Variants in WDR41 observed in about 807,000 individuals in gnomAD.
The protein encoded by WDR41 is WD repeat domain 41.
In WDR41, 63 loss-of-function variants were observed where a neutral mutation model predicts 69.3. The observed-to-expected ratio is 0.91, with a 90% CI of 0.74 to 1.12. The LOEUF is 1.12. WDR41 is among the 50% of genes most tolerant of loss of function. WDR41 has a pLI of 0.00. For missense variants in WDR41, 543 were observed against 534.5 expected, an observed-to-expected ratio of 1.02 and a Z score of -0.16; for synonymous variants, 185 against 192.1, an observed-to-expected ratio of 0.96 and a Z score of 0.31.
intron 1 of WDR41, among the ~76,000 whole-genome samples, chr5:77,595,865 G>T (rs1350196182): frequency 6.6e-6 from 1 of 152,080 alleles, no homozygotes; most frequent in African/African-American, 2.4e-5. Context: ...TGGAACATCA[G>T]TTTAACTAGA....
At chr5:77,501,540 C>T (rs972631754) in intron 1 of WDR41, among the ~76,000 whole-genome samples, 11 of 152,228 alleles carry the variant, frequency 7.2e-5, no homozygotes, top group Admixed American at 1.3e-4. Context: ...CCCAGCACAG[C>T]GTTTGAGCTC....
chr5:77,609,581 C>T (rs1400485703), intron 1 of WDR41, among the ~76,000 whole-genome samples: 1 of 152,226 alleles, frequency 6.6e-6, no homozygotes, highest in African/African-American at 2.4e-5. Context: ...CTCCAACAGA[C>T]CTACAGCTGA....
chr5:77,512,353 T>TGA (rs1302461758), intron 1 of WDR41, among the ~76,000 whole-genome samples: 1 of 120,642 alleles, frequency 8.3e-6, no homozygotes, highest in Non-Finnish European at 1.8e-5. Flanking sequence ...AGAGAGAGAG[T>TGA]GAGTGTGTGT....
At chr5:77,569,198 T>C (rs1422557026) in intron 1 of WDR41, among the ~76,000 whole-genome samples, 1 of 152,146 alleles carries the variant, frequency 6.6e-6, no homozygotes, top group Admixed American at 6.6e-5. Flanking sequence ...TCATTAGCAA[T>C]GCTAATACTA....
intron 12 of WDR41, among the ~76,000 whole-genome samples, chr5:77,433,506 T>C (rs1292260955): frequency 6.6e-6 from 1 of 152,240 alleles, no homozygotes; most frequent in South Asian, 2.1e-4. Flanking sequence ...AGAATAGCTA[T>C]TTTTGTAAAG....
chr5:77,597,010 T>C lies in WDR41; in HGVS notation c.42+23469A>G, dbSNP rs553513882. The stretch of plus-strand genomic sequence containing the variant: ...AGTAGTGCACACCTGTAGTCCCAGC[T>C]ACTTGGGAGGCTAAAGGCGGAAGGA... On this transcript the variant is annotated intron_variant, in intron 1 of 5. Coordinates refer to the WDR41 transcript ENST00000509971. Among the ~76,000 whole-genome samples, 10 of 151,914 alleles carry C rather than the reference T, an allele frequency of 6.6e-5. No individual in the cohort carries two copies. The South Asian group carries it at 2.1e-3, about 32-fold the overall frequency.
At chr5:77,571,617 A>G (rs1743734042) in intron 1 of WDR41, among the ~76,000 whole-genome samples, 1 of 152,166 alleles carries the variant, frequency 6.6e-6, no homozygotes, top group African/African-American at 2.4e-5. Flanking sequence ...GCCCTCCTTC[A>G]GTGTTTTAAT....
chr5:77,520,067 GA>G (rs1278022855), intron 1 of WDR41, among the ~76,000 whole-genome samples: 1 of 152,038 alleles, frequency 6.6e-6, no homozygotes, highest in Non-Finnish European at 1.5e-5. Flanking sequence ...TGCACAATTA[GA>G]GACCTAACAT....
Position 77,599,241 on chromosome 5 carries a change from C to T in WDR41, c.42+21238G>A, listed in dbSNP as rs528615800. On this transcript the variant is annotated intron_variant, in intron 1 of 5. Transcript: ENST00000509971. Reference sequence around the variant, plus strand: ...TTTTTGAGATGGAGTCTCTCTTTCACCCAGGCTGGAATACAGTGGTACTAT... The same window carrying T: ...TTTTTGAGATGGAGTCTCTCTTTCATCCAGGCTGGAATACAGTGGTACTAT... 1.0e-3 allele frequency among the ~76,000 whole-genome samples: 135 copies of T among 132,362 alleles called. 2 individuals are homozygous for T. Among genetic ancestry groups the T allele is most frequent in the African/African-American group, 3.6e-3 (130 of 36,074 alleles). 86.8% of individuals were successfully genotyped at this position (132,362 alleles called of 152,430 possible).
intron 1 of WDR41, among the ~76,000 whole-genome samples, chr5:77,511,360 G>A (rs532121750): frequency 1.3e-5 from 2 of 152,176 alleles, no homozygotes; most frequent in East Asian, 3.9e-4. Context: ...TAGATTTTGT[G>A]GAATTAAGGA....
chr5:77,459,768 T>C (rs1407822149), intron 4 of WDR41, among the ~76,000 whole-genome samples: 1 of 152,210 alleles, frequency 6.6e-6, no homozygotes, highest in East Asian at 1.9e-4. Flanking sequence ...CAAATGTATA[T>C]GCATGTATTA....
chr5:77,472,225 T>A (rs1252342775), intron 2 of WDR41, among the ~76,000 whole-genome samples: 7 of 151,558 alleles, frequency 4.6e-5, no homozygotes, highest in East Asian at 3.9e-4. Flanking sequence ...ATTCAACAAC[T>A]CTTCATGCTA....
rs1409506850 is a variant in WDR41 at position 77,521,284 on chromosome 5, G to T, written c.43-31712C>A. 1.6e-4 allele frequency among the ~76,000 whole-genome samples: 25 copies of T among 152,232 alleles called. 1 individual carries two copies. Among genetic ancestry groups the T allele is most frequent in the Admixed American group, 1.6e-3 (25 of 15,288 alleles). Reference sequence around the variant, plus strand: ...CCTCGCATGCGCAGTTCACAATAGGGTTTGAGCTCCTGTGAGAATCTAATG... The same window carrying T: ...CCTCGCATGCGCAGTTCACAATAGGTTTTGAGCTCCTGTGAGAATCTAATG... On this transcript the variant is annotated intron_variant, in intron 1 of 5. Transcript: ENST00000509971.
At chr5:77,550,581 A>G (rs1743278020) in intron 1 of WDR41, among the ~76,000 whole-genome samples, 1 of 152,222 alleles carries the variant, frequency 6.6e-6, no homozygotes, top group Non-Finnish European at 1.5e-5. Context: ...AGCCAAAAAT[A>G]ACAGATGCTG....
chr5:77,464,848 G>T (rs188389544), intron 2 of WDR41, 39 bp from the exon 3 acceptor site: 94 of 1,598,044 alleles, frequency 5.9e-5, no homozygotes, highest in Admixed American at 3.0e-4. Context: ...AAAATCACTG[G>T]TGACATTTAA....
chr5:77,436,756 T>C (rs1189811460), intron 11 of WDR41, among the ~76,000 whole-genome samples: 2 of 152,138 alleles, frequency 1.3e-5, no homozygotes, highest in Non-Finnish European at 2.9e-5. Context: ...GCTGTATATG[T>C]ATGTGCAAAA....
chr5:77,546,433 G>A (rs940853010), intron 1 of WDR41, among the ~76,000 whole-genome samples: 1 of 152,080 alleles, frequency 6.6e-6, no homozygotes, highest in African/African-American at 2.4e-5. Flanking sequence ...AATGAAATGG[G>A]AGATATTACA....
chr5:77,434,261 A>C (rs560155781), intron 12 of WDR41, among the ~76,000 whole-genome samples: 82 of 152,208 alleles, frequency 5.4e-4, no homozygotes, highest in African/African-American at 1.9e-3. Context: ...CAGTGAGTGG[A>C]GATTGCGCCA....
intron 1 of WDR41, among the ~76,000 whole-genome samples, chr5:77,556,835 A>T (rs1743411228): frequency 6.6e-6 from 1 of 152,114 alleles, no homozygotes; most frequent in Admixed American, 6.6e-5. Flanking sequence ...AAATGGCTTG[A>T]GGGAGGGAGA....
Sources: allele counts gnomAD v4.1 joint callset (sites outside exome capture counted in the v4.1 genomes callset), GRCh38; gene constraint gnomAD v4.1.1; transcripts MANE v1.5; gene names NCBI Gene and HGNC (gene_info 2026-07-23, HGNC 2026-07-21).